Variants in DPP10 observed in about 807,000 individuals in gnomAD.
The protein encoded by DPP10 is dipeptidyl peptidase like 10, also known as inactive dipeptidyl peptidase 10.
Under a neutral mutation model 120.9 loss-of-function variants are expected in DPP10, and 33 were observed. The ratio of observed to expected loss-of-function variants is 0.27; its 90% CI spans 0.21 to 0.37. The LOEUF (loss-of-function observed/expected upper bound fraction) is 0.37. DPP10 is among the 10% of genes least tolerant of loss of function. The pLI, the probability that DPP10 is intolerant of heterozygous loss-of-function variation, is 1.00. For synonymous variants in DPP10, 337 were observed against 326.1 expected, an observed-to-expected ratio of 1.03 and a Z score of -0.36; for missense variants, 816 against 942.8, an observed-to-expected ratio of 0.87 and a Z score of 1.76.
intron 1 of DPP10, among the ~76,000 whole-genome samples, chr2:114,901,043 T>A (rs1412796901): frequency 6.6e-6 from 1 of 152,098 alleles, no homozygotes; most frequent in Non-Finnish European, 1.5e-5. Flanking sequence ...AAACATGAAT[T>A]GTGCTAACAT....
chr2:114,812,111 G>T (rs1225221247), intron 1 of DPP10, among the ~76,000 whole-genome samples: 1 of 152,160 alleles, frequency 6.6e-6, no homozygotes. Flanking sequence ...CTCTTGCCTA[G>T]AGGTAGCACC....
intron 1 of DPP10, among the ~76,000 whole-genome samples, chr2:115,237,475 T>G (rs891057304): frequency 2.8e-4 from 42 of 152,082 alleles, no homozygotes; most frequent in Non-Finnish European, 1.8e-4. Context: ...CAATTAATAA[T>G]CCTATAGTCA....
chr2:115,600,853 A>G (rs2083279345), intron 5 of DPP10, among the ~76,000 whole-genome samples: 1 of 152,360 alleles, frequency 6.6e-6, no homozygotes, highest in Middle Eastern at 3.4e-3. Flanking sequence ...ATTTGCACAA[A>G]AGCATAACTG....
intron 5 of DPP10, among the ~76,000 whole-genome samples, chr2:115,555,910 C>G (rs2080181647): frequency 6.6e-6 from 1 of 151,984 alleles, no homozygotes; most frequent in Admixed American, 6.6e-5. Flanking sequence ...GAGGATATTT[C>G]TCTGTAACTT....
intron 4 of DPP10, among the ~76,000 whole-genome samples, chr2:115,506,721 T>A (rs1237261800): frequency 3.9e-5 from 6 of 152,130 alleles, no homozygotes; most frequent in Non-Finnish European, 8.8e-5. Flanking sequence ...TATGTATAGA[T>A]CTATCTATGC....
chr2:115,228,027 A>T (rs12468265), intron 1 of DPP10, among the ~76,000 whole-genome samples: 1 of 151,032 alleles, frequency 6.6e-6, no homozygotes, highest in Non-Finnish European at 1.5e-5. Context: ...GACTCAACCA[A>T]TTCTCCTGCT....
At chr2:114,886,676 A>G (rs190535298) in intron 1 of DPP10, among the ~76,000 whole-genome samples, 10 of 152,330 alleles carry the variant, frequency 6.6e-5, no homozygotes, top group Non-Finnish European at 1.2e-4. Context: ...TACATAAATT[A>G]TCAAAAGTCT....
chr2:114,809,984 T>C (rs1043506283), intron 1 of DPP10, among the ~76,000 whole-genome samples: 4 of 152,166 alleles, frequency 2.6e-5, no homozygotes, highest in African/African-American at 7.2e-5. Context: ...CCCCATCTTC[T>C]TTTTGGAGTG....
intron 1 of DPP10, among the ~76,000 whole-genome samples, chr2:114,600,658 C>T (rs1692284017): frequency 6.6e-6 from 1 of 151,842 alleles, no homozygotes. Context: ...GCCTTGGCAT[C>T]ATTAATTTAT....
intron 3 of DPP10, among the ~76,000 whole-genome samples, chr2:115,464,331 C>T (rs1001937654): frequency 2.6e-5 from 4 of 151,306 alleles, no homozygotes; most frequent in Admixed American, 2.6e-4. Flanking sequence ...TCTACCTTGA[C>T]AAAAATATCT....
At chr2:115,446,519 C>G (rs145048834) in intron 3 of DPP10, among the ~76,000 whole-genome samples, 1 of 152,080 alleles carries the variant, frequency 6.6e-6, no homozygotes, top group South Asian at 2.1e-4. Flanking sequence ...GACTTCTGAC[C>G]GATTTCAGTC....
intron 1 of DPP10, among the ~76,000 whole-genome samples, chr2:115,076,237 G>C (rs1032326905): frequency 2.9e-5 from 4 of 137,678 alleles, no homozygotes; most frequent in Non-Finnish European, 3.1e-5. Context: ...CTAACATTAG[G>C]AAGTAATTAC....
chr2:115,525,287 T>C (rs2078060387), intron 4 of DPP10, among the ~76,000 whole-genome samples: 1 of 152,148 alleles, frequency 6.6e-6, no homozygotes, highest in East Asian at 1.9e-4. Flanking sequence ...CATTGTGTAG[T>C]TTAAATTCCT....
intron 1 of DPP10, among the ~76,000 whole-genome samples, chr2:114,450,013 A>G (rs1678169297): frequency 6.6e-6 from 1 of 152,108 alleles, no homozygotes; most frequent in Non-Finnish European, 1.5e-5. Flanking sequence ...TTAATTCAGT[A>G]AAAAAATGCA....
intron 1 of DPP10, among the ~76,000 whole-genome samples, chr2:114,596,286 C>A (rs1691900543): frequency 6.7e-6 from 1 of 150,130 alleles, no homozygotes; most frequent in African/African-American, 2.5e-5. Context: ...CTCCCTCCTA[C>A]AAGCTGTTCC....
At chr2:114,450,887 CTGTT>C (rs1283512704) in intron 1 of DPP10, among the ~76,000 whole-genome samples, 1 of 152,044 alleles carries the variant, frequency 6.6e-6, no homozygotes, top group East Asian at 1.9e-4. Context: ...TTCAGGGGGA[CTGTT>C]TGTTCTGGCA....
chr2:114,840,862 A>G (rs1688103015), intron 1 of DPP10, among the ~76,000 whole-genome samples: 1 of 152,138 alleles, frequency 6.6e-6, no homozygotes, highest in African/African-American at 2.4e-5. Context: ...CATTATGGTT[A>G]GAATCTTGGG....
At chr2:115,811,028 G>T (rs1246207570) in intron 19 of DPP10, among the ~76,000 whole-genome samples, 1 of 152,122 alleles carries the variant, frequency 6.6e-6, no homozygotes, top group East Asian at 1.9e-4. Flanking sequence ...TACTGAATAA[G>T]CACTCTTTGC....
At chr2:115,006,708 A>T (rs1465227211) in intron 1 of DPP10, among the ~76,000 whole-genome samples, 1 of 151,906 alleles carries the variant, frequency 6.6e-6, no homozygotes, top group Admixed American at 6.6e-5. Flanking sequence ...GAGCACCCAG[A>T]TTCATAAAGC....
Sources: allele counts gnomAD v4.1 joint callset (sites outside exome capture counted in the v4.1 genomes callset), GRCh38; gene constraint gnomAD v4.1.1; transcripts MANE v1.5; gene names NCBI Gene and HGNC (gene_info 2026-07-23, HGNC 2026-07-21).